Variants in CHMP7 observed in about 807,000 individuals in gnomAD.
CHMP7 encodes the protein CHMP family, member 7.
CHMP7 carries 15 observed loss-of-function variants against 53.7 expected under a neutral mutation model. That is an observed-to-expected ratio of 0.28 (90% CI 0.19 to 0.43). The LOEUF is 0.43. CHMP7 is among the 20% of genes least tolerant of loss of function. The probability of loss-of-function intolerance (pLI) is 1.00; values close to 1 mark genes in which losing one functional copy is unlikely to be tolerated. For synonymous variants in CHMP7, 261 were observed against 228.0 expected (o/e 1.14, Z -1.30); for missense variants, 527 against 569.4 (o/e 0.93, Z 0.76).
rs993605920 is a variant in CHMP7 at position 23,261,556 on chromosome 8, G to A, written c.*957G>A. On this transcript the variant is annotated 3_prime_UTR_variant, in exon 11 of 11. Transcript: ENST00000397677. ...TGTGGCCTACTGCTCGGGGCAGGGG[G>A]GCTGAGCCAGGATGTGCAATAGAAG... is the stretch of plus-strand genomic sequence containing the variant. The A allele has an allele frequency of 2.0e-5, 3 of 152,834 alleles. No homozygotes were observed. Among genetic ancestry groups the A allele is most frequent in the Admixed American group, 6.5e-5 (1 of 15,284 alleles). 9.5% of individuals were successfully genotyped at this position (152,834 alleles called of 1,614,324 possible).
intron 4 of CHMP7, among the ~76,000 whole-genome samples, chr8:23,255,822 C>T (rs909800191): frequency 6.2e-5 from 9 of 145,392 alleles, no homozygotes; most frequent in Admixed American, 4.3e-4. Context: ...CCAGCAATGG[C>T]GCAATCTGAG....
chr8:23,254,540 G>A (rs528444230), intron 3 of CHMP7, among the ~76,000 whole-genome samples: 2 of 149,320 alleles, frequency 1.3e-5, no homozygotes, highest in African/African-American at 4.9e-5. Context: ...GATTACAGGT[G>A]CCCGCCATCA....
intron 3 of CHMP7, among the ~76,000 whole-genome samples, chr8:23,253,592 C>T (rs1802013008): frequency 6.6e-6 from 1 of 152,198 alleles, no homozygotes; most frequent in Non-Finnish European, 1.5e-5. Flanking sequence ...CCTGGCTTCT[C>T]TCAGACATCT....
At chr8:23,259,706 G>A (rs1802303336) in intron 9 of CHMP7, among the ~76,000 whole-genome samples, 1 of 152,226 alleles carries the variant, frequency 6.6e-6, no homozygotes, top group African/African-American at 2.4e-5. Context: ...GCTTCCCTGT[G>A]CTGTGATGAG....
At chr8:23,258,124 A>C in intron 6 of CHMP7, 43 bp downstream of exon 6, 2 of 1,547,270 alleles carry the variant, frequency 1.3e-6, no homozygotes, top group Non-Finnish European at 1.8e-6. Flanking sequence ...TGCCCCAGGC[A>C]GGCCTGGAGC....
At chr8:23,258,616 A>T in intron 7 of CHMP7, 116 bp from the exon 8 acceptor site, 1 of 1,208,388 alleles carries the variant, frequency 8.3e-7, no homozygotes, top group Non-Finnish European at 1.2e-6. Flanking sequence ...TATAGGGTAA[A>T]TTGAGCTTGG....
intron 2 of CHMP7, 112 bp downstream of exon 2, chr8:23,247,106 C>T: frequency 9.2e-7 from 1 of 1,092,186 alleles, no homozygotes; most frequent in Non-Finnish European, 1.2e-6. Flanking sequence ...CAGTGTCTGG[C>T]CCAGAGAAGG....
intron 2 of CHMP7, among the ~76,000 whole-genome samples, chr8:23,248,365 T>C (rs536869967): frequency 1.3e-5 from 2 of 152,270 alleles, no homozygotes; most frequent in South Asian, 4.1e-4. Context: ...TCCTGAAGAA[T>C]TTCTGAGGAT....
In CHMP7 at chr8:23,247,626, AG is replaced by A. The variant is rs536602875; in HGVS notation, c.299+633del. Among the ~76,000 whole-genome samples, 53 of 152,310 alleles carry A rather than the reference AG, an allele frequency of 3.5e-4. 1 individual carries two copies. The South Asian group carries it at 0.011, about 32-fold the overall frequency. Reference sequence around the variant, plus strand: ...TAACATTGATAACTAATACATGTACAGTACTTCCCAGCATGCAGATACTTTG... The same window carrying A: ...TAACATTGATAACTAATACATGTACATACTTCCCAGCATGCAGATACTTTG... On this transcript the variant is annotated intron_variant, in intron 2 of 10. Transcript: ENST00000397677.
chr8:23,254,185 C>CG (rs1554528473), intron 3 of CHMP7, among the ~76,000 whole-genome samples: 1 of 134,930 alleles, frequency 7.4e-6, no homozygotes, highest in Non-Finnish European at 1.5e-5. Context: ...TTCTGCTCAA[C>CG]TTTTTTTTTT....
At chr8:23,244,445 T>C (rs1801619525) in intron 1 of CHMP7, among the ~76,000 whole-genome samples, 1 of 152,244 alleles carries the variant, frequency 6.6e-6, no homozygotes, top group Non-Finnish European at 1.5e-5. Context: ...GAAAGGTCAG[T>C]TGACTGTATT....
chr8:23,260,149 G>A lies in CHMP7; in HGVS notation c.1126G>A (p.Asp376Asn), dbSNP rs758880760. ...ATGTTGTCTTTTCTTTCCAGATTTT[G>A]ACAGTGAAGAACTGGAGAAGGAATT... The part of the protein sequence containing the change: ...AGGVTNGLDF[D>N]SEELEKELDI... Residue 376 changes from aspartate to asparagine, a missense_variant, in exon 10 of 11, where the codon GAC (aspartate) becomes AAC (asparagine). Asp to Asn is a conservative substitution (Grantham distance 23, BLOSUM62 1). Coordinates refer to ENST00000397677, the MANE Select transcript of CHMP7 (RefSeq NM_152272.5). 25 of 1,613,310 alleles carry A rather than the reference G, an allele frequency of 1.5e-5. No homozygotes were observed. Among genetic ancestry groups the A allele is most frequent in the Non-Finnish European group, 2.1e-5 (25 of 1,179,500 alleles).
chr8:23,246,984 G>T lies in CHMP7; in HGVS notation c.289G>T (p.Asp97Tyr). The stretch of plus-strand genomic sequence containing the variant: ...GCTGGGGCTGGCCACGGTGCTGCAG[G>T]ACCTGCTGCGGTGAGGGGCGGGCTG... ...VPLGLATVLQ[D>Y]LLRRGELQRE... is the part of the protein sequence containing the mutation. Residue 97 changes from aspartate (D) to tyrosine (Y), a missense_variant, in exon 2 of 11, where the codon GAC becomes TAC. Coordinates refer to ENST00000397677, the MANE Select transcript of CHMP7 (RefSeq NM_152272.5). 6.5e-7 allele frequency: 1 copy of T among 1,534,492 alleles called. No individual in the cohort carries two copies. Among genetic ancestry groups the T allele is most frequent in the Non-Finnish European group, 8.7e-7 (1 of 1,144,762 alleles).
chr8:23,250,557 C>A lies in CHMP7; in HGVS notation c.471+1176C>A, dbSNP rs187386294. 1.1e-3 allele frequency among the ~76,000 whole-genome samples: 171 copies of A among 151,528 alleles called. 1 individual carries two copies. Among genetic ancestry groups the A allele is most frequent in the African/African-American group, 3.5e-3 (143 of 41,378 alleles). On this transcript the variant is annotated intron_variant, in intron 3 of 10. Transcript: ENST00000397677. ...TCCTACCTCCCATTCACTCTGTCATCTGGTGCAGACCTGCTTCAACCACCC... is the reference window on the plus strand; with the variant it reads ...TCCTACCTCCCATTCACTCTGTCATATGGTGCAGACCTGCTTCAACCACCC...
In CHMP7 at chr8:23,261,491, C is replaced by T. The variant is rs904766838; in HGVS notation, c.*892C>T. 1.3e-5 allele frequency: 2 copies of T among 152,802 alleles called. No homozygotes were observed. The highest frequency in any genetic ancestry group is 1.5e-5 in the Non-Finnish European group (1 of 68,150). 9.5% of individuals were successfully genotyped at this position (152,802 alleles called of 1,614,324 possible). Reference sequence around the variant, plus strand: ...ACACCTCCCCTCCTTGAGCCTGGCACACAGCACCGGGCTCTCTGAATTTGG... The same window carrying T: ...ACACCTCCCCTCCTTGAGCCTGGCATACAGCACCGGGCTCTCTGAATTTGG... On this transcript the variant is annotated 3_prime_UTR_variant, in exon 11 of 11. Coordinates refer to ENST00000397677, the MANE Select transcript of CHMP7 (RefSeq NM_152272.5).
At chr8:23,255,165 A>G (rs1802073999) in intron 3 of CHMP7, 82 bp from the exon 4 acceptor site, 1 of 1,449,638 alleles carries the variant, frequency 6.9e-7, no homozygotes, top group Non-Finnish European at 9.6e-7. Flanking sequence ...TTGTGTGATC[A>G]TGGTTTTGAA....
In CHMP7 at chr8:23,246,760, C is replaced by G. The variant is rs760790780; in HGVS notation, c.65C>G (p.Pro22Arg). ...AGGDPAGLLP[P>R]EWEEDEERMS... Reference sequence around the variant, plus strand: ...GGAGACCCGGCGGGCCTTCTGCCCCCCGAGTGGGAGGAGGACGAGGAGCGC... The same window carrying G: ...GGAGACCCGGCGGGCCTTCTGCCCCGCGAGTGGGAGGAGGACGAGGAGCGC... The change falls in exon 2 of 11, where the codon CCC becomes CGC. Residue 22 changes from proline (P) to arginine (R), a missense_variant. Physicochemically the swap from Pro to Arg is moderately radical, Grantham distance 103. Transcript: ENST00000397677. 2 of 1,557,810 alleles carry G rather than the reference C, an allele frequency of 1.3e-6. No individual in the cohort carries two copies. Among genetic ancestry groups the G allele is most frequent in the Non-Finnish European group, 8.7e-7 (1 of 1,151,228 alleles).
At chr8:23,254,184 A>AC (rs376074969) in intron 3 of CHMP7, among the ~76,000 whole-genome samples, 16,499 of 76,604 alleles carry the variant, frequency 0.22, 1,134 homozygotes, top group South Asian at 0.48. Flanking sequence ...ATTCTGCTCA[A>AC]CTTTTTTTTT....
At chr8:23,252,878 G>A (rs1801986159) in intron 3 of CHMP7, among the ~76,000 whole-genome samples, 1 of 152,198 alleles carries the variant, frequency 6.6e-6, no homozygotes, top group South Asian at 2.1e-4. Context: ...TTATTTGTGT[G>A]TGGTTACTGT....
Sources: allele counts gnomAD v4.1 joint callset (sites outside exome capture counted in the v4.1 genomes callset), GRCh38; gene constraint gnomAD v4.1.1; transcripts MANE v1.5; gene names NCBI Gene and HGNC (gene_info 2026-07-23, HGNC 2026-07-21).